The following JAZF1 variants were observed in gnomAD, a reference collection of about 807,000 sequenced individuals.
The protein encoded by JAZF1 is juxtaposed with another zinc finger protein 1.
A neutral mutation model predicts 26.4 loss-of-function variants in JAZF1; 8 were observed. That is an observed-to-expected ratio of 0.30 (90% CI 0.18 to 0.55). The LOEUF (loss-of-function observed/expected upper bound fraction) is 0.55, where lower values mean the gene tolerates loss of function less well. Ranked by LOEUF, JAZF1 falls within the 20% of genes least tolerant of loss-of-function variation. JAZF1 has a pLI of 0.94. For synonymous variants in JAZF1, 126 were observed against 122.3 expected (o/e 1.03, Z -0.20); for missense variants, 199 against 322.0 (o/e 0.62, Z 2.92).
At chr7:28,144,965 T>G (rs141136235) in intron 1 of JAZF1, among the ~76,000 whole-genome samples, 1 of 152,362 alleles carries the variant, frequency 6.6e-6, no homozygotes, top group East Asian at 1.9e-4. Flanking sequence ...TACTTTTTAC[T>G]TACAGTTAGG....
At chr7:28,110,531 GGAAAGGAAAAGGAAAAGGAAAA>G (rs1784637311) in intron 1 of JAZF1, among the ~76,000 whole-genome samples, 2 of 50,546 alleles carry the variant, frequency 4.0e-5, no homozygotes, top group African/African-American at 1.2e-4. Context: ...AAAAGGAAAA[GGAAAGGAAAAGGAAAAGGAAAA>G]GGAAAGGGAA....
chr7:28,106,309 A>G (rs191657849), intron 1 of JAZF1, among the ~76,000 whole-genome samples: 3 of 152,286 alleles, frequency 2.0e-5, no homozygotes, highest in East Asian at 1.9e-4. Flanking sequence ...TCATCACACA[A>G]AAGTCAGGAA....
intron 2 of JAZF1, among the ~76,000 whole-genome samples, chr7:27,948,586 C>T (rs567021916): frequency 3.1e-4 from 47 of 152,310 alleles, no homozygotes; most frequent in African/African-American, 1.1e-3. Context: ...TCTGTCCCTT[C>T]TTCTGAAGAC....
intron 1 of JAZF1, among the ~76,000 whole-genome samples, chr7:28,000,616 TTC>T (rs1786131176): frequency 8.5e-6 from 1 of 117,730 alleles, no homozygotes; most frequent in Admixed American, 8.3e-5. Context: ...CTTTCTTTCT[TTC>T]TTTCTTTTTT....
chr7:27,896,827 AT>A (rs1784073545), intron 2 of JAZF1, among the ~76,000 whole-genome samples: 1 of 152,228 alleles, frequency 6.6e-6, no homozygotes, highest in African/African-American at 2.4e-5. Flanking sequence ...TATAAACTGG[AT>A]TTTATATGCT....
At chr7:28,100,678 CAAACTT>C (rs545048856) in intron 1 of JAZF1, among the ~76,000 whole-genome samples, 88 of 152,244 alleles carry the variant, frequency 5.8e-4, no homozygotes, top group Admixed American at 2.2e-3. Flanking sequence ...ACTCTAGACT[CAAACTT>C]AAAGAAGTAT....
At chr7:27,958,604 T>G (rs530645856) in intron 2 of JAZF1, among the ~76,000 whole-genome samples, 1 of 152,196 alleles carries the variant, frequency 6.6e-6, no homozygotes, top group Non-Finnish European at 1.5e-5. Context: ...GCTGTCTACA[T>G]GGCTCCAAGC....
At chr7:27,897,835 C>T (rs766471036) in intron 2 of JAZF1, among the ~76,000 whole-genome samples, 1 of 152,188 alleles carries the variant, frequency 6.6e-6, no homozygotes, top group Non-Finnish European at 1.5e-5. Context: ...CTGCAGAAGG[C>T]GACTTGTCCT....
intron 1 of JAZF1, among the ~76,000 whole-genome samples, chr7:28,177,590 A>G (rs1033146185): frequency 1.3e-5 from 2 of 152,350 alleles, no homozygotes; most frequent in Non-Finnish European, 1.5e-5. Flanking sequence ...TCACCTAAGC[A>G]TATCTCTAAT....
At chr7:28,054,286 T>A (rs150946556) in intron 1 of JAZF1, among the ~76,000 whole-genome samples, 1 of 152,182 alleles carries the variant, frequency 6.6e-6, no homozygotes, top group African/African-American at 2.4e-5. Context: ...GTTATAGAAG[T>A]TGAAGAGATA....
At chr7:28,114,374 C>T (rs1272774650) in intron 1 of JAZF1, among the ~76,000 whole-genome samples, 1 of 151,866 alleles carries the variant, frequency 6.6e-6, no homozygotes, top group African/African-American at 2.4e-5. Flanking sequence ...GAACTCACTG[C>T]GGGTTTGGTG....
chr7:28,001,163 G>A (rs907804692), intron 1 of JAZF1, among the ~76,000 whole-genome samples: 1 of 151,808 alleles, frequency 6.6e-6, no homozygotes, highest in Non-Finnish European at 1.5e-5. Flanking sequence ...AGACCAGCCT[G>A]GGCAACCTGA....
intron 2 of JAZF1, among the ~76,000 whole-genome samples, chr7:27,931,257 A>C (rs1784684679): frequency 6.6e-6 from 1 of 152,208 alleles, no homozygotes; most frequent in Non-Finnish European, 1.5e-5. Context: ...TACATAAATG[A>C]ATATGTCTGT....
intron 1 of JAZF1, among the ~76,000 whole-genome samples, chr7:28,053,270 C>T (rs528227852): frequency 2.6e-5 from 4 of 152,252 alleles, no homozygotes; most frequent in African/African-American, 7.2e-5. Context: ...TAAATAATAG[C>T]GTAAATAATT....
intron 2 of JAZF1, among the ~76,000 whole-genome samples, chr7:27,898,286 C>CATATATATATATATATATATAT (rs10638646): frequency 1.0e-4 from 10 of 99,590 alleles, no homozygotes; most frequent in East Asian, 7.0e-4. Context: ...ACGTCTAACT[C>CATATATATATATATATATATAT]ATATATATAT....
At chr7:28,121,028 C>T (rs561193361) in intron 1 of JAZF1, among the ~76,000 whole-genome samples, 98 of 151,986 alleles carry the variant, frequency 6.4e-4, no homozygotes, top group African/African-American at 2.3e-3. Context: ...GGCTAAACCC[C>T]ATCTCCACTA....
At chr7:28,169,284 A>T (rs1175646212) in intron 1 of JAZF1, among the ~76,000 whole-genome samples, 4 of 152,218 alleles carry the variant, frequency 2.6e-5, no homozygotes, top group Admixed American at 2.6e-4. Flanking sequence ...GAAAGTGCTG[A>T]AGTGGAGCCA....
In JAZF1 at chr7:27,885,784, A is replaced by G. The variant is rs530559825; in HGVS notation, c.385+9436T>C. On this transcript the variant is annotated intron_variant, in intron 3 of 4. Coordinates refer to ENST00000283928, the MANE Select transcript of JAZF1 (RefSeq NM_175061.4). ...CTGAAAATTTATCCATGTCCAGAGC[A>G]GTCATTAGCAAATACCACCTGTAAT... is the stretch of plus-strand genomic sequence containing the variant. 5.9e-4 allele frequency among the ~76,000 whole-genome samples: 90 copies of G among 152,270 alleles called. 2 individuals are homozygous for G. The highest frequency in any genetic ancestry group is 2.2e-3 in the Admixed American group (34 of 15,302).
intron 3 of JAZF1, among the ~76,000 whole-genome samples, chr7:27,873,691 T>TA (rs1404067774): frequency 6.6e-6 from 1 of 152,222 alleles, no homozygotes; most frequent in Non-Finnish European, 1.5e-5. Context: ...TTGAGTCTCC[T>TA]AGGAGCTTTA....
Sources: gnomAD v4.1 joint callset for allele counts (sites outside exome capture counted in the v4.1 genomes callset) on GRCh38, gnomAD v4.1.1 for gene constraint, MANE v1.5 for transcripts, NCBI Gene and HGNC (gene_info 2026-07-23, HGNC 2026-07-21) for gene names.